The following CTIF variants were observed in gnomAD, a reference collection of about 807,000 sequenced individuals.
The protein encoded by CTIF is CBP80/20-dependent translation initiation factor.
Under a neutral mutation model 66.0 loss-of-function variants are expected in CTIF, and 21 were observed. That is an observed-to-expected ratio of 0.32 (90% CI 0.23 to 0.46). The LOEUF (loss-of-function observed/expected upper bound fraction) is 0.46, where lower values mean the gene tolerates loss of function less well. Among genes scored for constraint, CTIF ranks in the 20% least tolerant of loss-of-function variants. The probability of loss-of-function intolerance (pLI) is 1.00; values close to 1 mark genes in which losing one functional copy is unlikely to be tolerated. For synonymous variants in CTIF, 345 were observed against 326.4 expected (o/e 1.06, Z -0.62); for missense variants, 739 against 812.7 (o/e 0.91, Z 1.10).
chr18:48,595,868 G>C (rs961152791), intron 1 of CTIF, among the ~76,000 whole-genome samples: 1 of 152,148 alleles, frequency 6.6e-6, no homozygotes, highest in African/African-American at 2.4e-5. Context: ...ATGTGTGTGG[G>C]TGGTGACAGG....
intron 7 of CTIF, among the ~76,000 whole-genome samples, chr18:48,725,711 T>C (rs1288432152): frequency 6.6e-6 from 1 of 152,172 alleles, no homozygotes; most frequent in Admixed American, 6.5e-5. Flanking sequence ...CTTCAGTGAT[T>C]ACCCAGAGTT....
intron 7 of CTIF, among the ~76,000 whole-genome samples, chr18:48,749,115 G>C (rs1907538686): frequency 6.6e-6 from 1 of 152,168 alleles, no homozygotes; most frequent in African/African-American, 2.4e-5. Context: ...CTAGTTTAAG[G>C]GCTGTTCCAC....
chr18:48,544,882 C>T (rs994185667), intron 1 of CTIF, among the ~76,000 whole-genome samples: 2 of 152,322 alleles, frequency 1.3e-5, no homozygotes, highest in South Asian at 4.1e-4. Context: ...CAGCCCCCTG[C>T]CTTCAAGCAG....
intron 1 of CTIF, among the ~76,000 whole-genome samples, chr18:48,570,189 A>G (rs2089381905): frequency 6.6e-6 from 1 of 152,200 alleles, no homozygotes; most frequent in Admixed American, 6.5e-5. Context: ...AATGGGCAGA[A>G]TGTGTATAAT....
At chr18:48,816,486 G>A (rs2068366025) in intron 9 of CTIF, among the ~76,000 whole-genome samples, 1 of 152,174 alleles carries the variant, frequency 6.6e-6, no homozygotes, top group Non-Finnish European at 1.5e-5. Context: ...TGGTATGACT[G>A]TGGTATTTCA....
At chr18:48,579,038 GT>G (rs1184281402) in intron 1 of CTIF, among the ~76,000 whole-genome samples, 1 of 151,658 alleles carries the variant, frequency 6.6e-6, no homozygotes, top group Non-Finnish European at 1.5e-5. Flanking sequence ...TGAGCTAGAG[GT>G]TCAGCTTCAT....
chr18:48,816,530 TCCCATGGAA>T (rs1239653428), intron 9 of CTIF, among the ~76,000 whole-genome samples: 1 of 152,144 alleles, frequency 6.6e-6, no homozygotes, highest in African/African-American at 2.4e-5. Flanking sequence ...CTAGCGACCA[TCCCATGGAA>T]CCCAGCTCCT....
At chr18:48,727,973 T>C (rs868159893) in intron 7 of CTIF, among the ~76,000 whole-genome samples, 2 of 152,232 alleles carry the variant, frequency 1.3e-5, no homozygotes, top group African/African-American at 4.8e-5. Flanking sequence ...GTGACAGCCC[T>C]TCTTTTAACT....
At chr18:48,583,563 G>C (rs572013207) in intron 1 of CTIF, among the ~76,000 whole-genome samples, 2 of 152,276 alleles carry the variant, frequency 1.3e-5, no homozygotes, top group East Asian at 3.9e-4. Flanking sequence ...CTCACACTTT[G>C]CTGTAATTAG....
chr18:48,814,212 G>A (rs1375443442), intron 9 of CTIF, among the ~76,000 whole-genome samples: 1 of 152,200 alleles, frequency 6.6e-6, no homozygotes, highest in African/African-American at 2.4e-5. Context: ...ATGACAAGCT[G>A]GGGGTTGATA....
At chr18:48,649,885 C>T (rs929834714) in intron 3 of CTIF, among the ~76,000 whole-genome samples, 1 of 152,174 alleles carries the variant, frequency 6.6e-6, no homozygotes, top group African/African-American at 2.4e-5. Context: ...ACCTGAGGGA[C>T]CTGACTGTTA....
chr18:48,584,277 G>C (rs1451535704), intron 1 of CTIF, among the ~76,000 whole-genome samples: 1 of 152,146 alleles, frequency 6.6e-6, no homozygotes, highest in Non-Finnish European at 1.5e-5. Context: ...TATAAGATGG[G>C]AAGCCTTTCT....
chr18:48,739,311 T>A (rs1001524338), intron 7 of CTIF, among the ~76,000 whole-genome samples: 1 of 152,168 alleles, frequency 6.6e-6, no homozygotes, highest in Non-Finnish European at 1.5e-5. Flanking sequence ...AGGACAGACC[T>A]AACCCCCAAG....
intron 6 of CTIF, among the ~76,000 whole-genome samples, chr18:48,677,624 A>G (rs2091653404): frequency 6.6e-6 from 1 of 152,182 alleles, no homozygotes; most frequent in African/African-American, 2.4e-5. Context: ...GGTCGGATGT[A>G]ACCTTCTCAG....
At position 48,758,396 on chromosome 18, in the gene CTIF, A is replaced by G. The variant is rs771580361; in HGVS notation, c.1062A>G (p.Leu354=). 3 of 1,583,750 alleles carry G rather than the reference A, an allele frequency of 1.9e-6. No homozygotes were observed. Among genetic ancestry groups the G allele is most frequent in the Non-Finnish European group, 2.6e-6 (3 of 1,166,056 alleles). ...QSSKDRLRRR[L]KEKDEVAVET... is the part of the protein sequence containing the mutation. ...CCAAAGACAGACTGCGGCGAAGGCT[A>G]AAGGAAAAGGTACCGGTAATTGAAT... The change falls in exon 8 of 12, where the codon CTA becomes CTG. Residue 354 remains leucine (L), a synonymous_variant. Coordinates refer to ENST00000256413, the MANE Select transcript of CTIF (RefSeq NM_014772.3).
At chr18:48,743,777 T>C (rs2092573337) in intron 7 of CTIF, among the ~76,000 whole-genome samples, 1 of 152,130 alleles carries the variant, frequency 6.6e-6, no homozygotes, top group African/African-American at 2.4e-5. Flanking sequence ...GTACCAAAAA[T>C]AACAATTTTT....
In CTIF at chr18:48,862,062, T is replaced by TAAAGA. The variant is rs924011842; in HGVS notation, c.*2506_*2510dup. ...GAAAACGTTAAGACTATTTTTTTTT[T>TAAAGA]AAAGAAACAACAGTCAAGCCTAAAA... is the stretch of plus-strand genomic sequence containing the variant. On this transcript the variant is annotated 3_prime_UTR_variant, in exon 12 of 12. Coordinates refer to ENST00000256413, the MANE Select transcript of CTIF (RefSeq NM_014772.3). 1 of 150,456 alleles carries TAAAGA rather than the reference T, an allele frequency of 6.6e-6. No homozygotes were observed. Among genetic ancestry groups the TAAAGA allele is most frequent in the African/African-American group, 2.5e-5 (1 of 39,962 alleles). The allele number at this position is 150,456 out of a possible 1,614,324, so 9.3% of individuals were successfully genotyped here.
intron 1 of CTIF, 31 bp from the exon 2 acceptor site, chr18:48,619,507 T>C: frequency 7.4e-7 from 1 of 1,352,372 alleles, no homozygotes; most frequent in Non-Finnish European, 9.6e-7. Context: ...CAGCAGCGTC[T>C]CACGGAGTTC....
At chr18:48,855,195 C>T (rs910561005) in intron 10 of CTIF, among the ~76,000 whole-genome samples, 3 of 152,178 alleles carry the variant, frequency 2.0e-5, no homozygotes, top group African/African-American at 7.2e-5. Flanking sequence ...ATCAAGGAGA[C>T]CTGGCATCTG....
Sources: allele counts gnomAD v4.1 joint callset (sites outside exome capture counted in the v4.1 genomes callset), GRCh38; gene constraint gnomAD v4.1.1; transcripts MANE v1.5; gene names NCBI Gene and HGNC (gene_info 2026-07-23, HGNC 2026-07-21).